Variants in AHI1 observed in about 807,000 individuals in gnomAD.
AHI1 encodes the protein jouberin.
AHI1 carries 123 observed loss-of-function variants against 149.3 expected under a neutral mutation model. The ratio of observed to expected loss-of-function variants is 0.82; its 90% confidence interval spans 0.71 to 0.96. The LOEUF is 0.96. AHI1 is among the 40% of genes least tolerant of loss of function. The pLI, the probability that AHI1 is intolerant of heterozygous loss-of-function variation, is 0.00. For synonymous variants in AHI1, 475 were observed against 459.8 expected (o/e 1.03, Z -0.42); for missense variants, 1,439 against 1,422.7 (o/e 1.01, Z -0.18).
intron 14 of AHI1, 98 bp downstream of exon 14, chr6:135,442,484 G>C (rs1295218674): frequency 7.7e-7 from 1 of 1,300,660 alleles, no homozygotes; most frequent in African/African-American, 1.5e-5. Context: ...AGTAGTACAG[G>C]GGATTACTCA....
intron 23 of AHI1, among the ~76,000 whole-genome samples, chr6:135,365,335 T>A (rs1330427849): frequency 1.3e-5 from 2 of 152,216 alleles, no homozygotes; most frequent in Admixed American, 6.5e-5. Context: ...GTTTTCTAGT[T>A]CTGCGAAAAA....
intron 24 of AHI1, among the ~76,000 whole-genome samples, chr6:135,346,565 G>A (rs926374885): frequency 6.6e-6 from 1 of 152,046 alleles, no homozygotes; most frequent in Non-Finnish European, 1.5e-5. Context: ...GGATTATAAA[G>A]ATTTTTTTTC....
intron 13 of AHI1, 86 bp downstream of exon 13, chr6:135,446,922 A>G: frequency 1.5e-6 from 2 of 1,333,428 alleles, no homozygotes; most frequent in Non-Finnish European, 2.0e-6. Flanking sequence ...CATTTTAAGT[A>G]GTAAGCTAGA....
intron 24 of AHI1, among the ~76,000 whole-genome samples, chr6:135,338,096 G>A (rs113862515): frequency 1.3e-5 from 2 of 151,966 alleles, no homozygotes; most frequent in African/African-American, 4.8e-5. Context: ...TCAGGAGTTC[G>A]AGACCAGCCT....
intron 27 of AHI1, among the ~76,000 whole-genome samples, chr6:135,296,574 G>A (rs1010386678): frequency 2.6e-5 from 4 of 152,006 alleles, no homozygotes; most frequent in Non-Finnish European, 4.4e-5. Context: ...TTCAGGGCCC[G>A]CTGCACTTGT....
intron 23 of AHI1, among the ~76,000 whole-genome samples, chr6:135,372,529 AAG>A (rs1491240589): frequency 6.7e-6 from 1 of 148,590 alleles, no homozygotes; most frequent in Non-Finnish European, 1.5e-5. Flanking sequence ...AAAAAAAAAA[AAG>A]AAAAAAAAAA....
chr6:135,492,059 T>A (rs1795327211), intron 4 of AHI1, among the ~76,000 whole-genome samples, 169 bp downstream of exon 4: 1 of 152,210 alleles, frequency 6.6e-6, no homozygotes. Context: ...ATCACAATAT[T>A]AAATAGAAAA....
At chr6:135,485,939 C>G (rs1399205856) in intron 5 of AHI1, among the ~76,000 whole-genome samples, 1 of 152,110 alleles carries the variant, frequency 6.6e-6, no homozygotes, top group Non-Finnish European at 1.5e-5. Flanking sequence ...GACCTGGATT[C>G]ACTATTATTA....
At chr6:135,477,556 T>G (rs1006385467) in intron 5 of AHI1, among the ~76,000 whole-genome samples, 2 of 152,162 alleles carry the variant, frequency 1.3e-5, no homozygotes, top group Non-Finnish European at 1.5e-5. Flanking sequence ...AGGGGCCTGG[T>G]GGGAGGTGAC....
intron 23 of AHI1, among the ~76,000 whole-genome samples, chr6:135,360,088 G>A (rs1192369074): frequency 6.6e-6 from 1 of 151,620 alleles, no homozygotes; most frequent in Admixed American, 6.6e-5. Context: ...ATATAGAAAG[G>A]AATAAACTTT....
chr6:135,306,207 T>G (rs1446835321), intron 26 of AHI1, among the ~76,000 whole-genome samples: 1 of 152,140 alleles, frequency 6.6e-6, no homozygotes, highest in Non-Finnish European at 1.5e-5. Flanking sequence ...CCAATGCTGG[T>G]AGGTGAGTGG....
In AHI1 at chr6:135,442,676, A is replaced by G. The variant is rs372575428; in HGVS notation, c.1818T>C (p.Asn606=). 9.9e-6 allele frequency: 16 copies of G among 1,611,590 alleles called. No individual in the cohort carries two copies. In the African/African-American group the frequency reaches 2.0e-4, roughly 20 times the overall value. Residue 606 remains asparagine, a synonymous_variant, in exon 14 of 29, where the codon AAT becomes AAC. Coordinates refer to ENST00000265602, the MANE Select transcript of AHI1 (RefSeq NM_001134831.2). The part of the protein sequence containing the change: ...RIPNKHLFSL[N]AGERGCFCLD... The stretch of plus-strand genomic sequence containing the variant: ...GACAAAAACATCCTCGTTCTCCTGC[A>G]TTTAGTGAGAAGAGGTGTTTGTTTG...
At chr6:135,413,208 A>G (rs1398561776) in intron 20 of AHI1, among the ~76,000 whole-genome samples, 6 of 152,074 alleles carry the variant, frequency 3.9e-5, no homozygotes, top group Non-Finnish European at 7.4e-5. Flanking sequence ...ATGTGCCTGT[A>G]GTTTCCAGCT....
intron 12 of AHI1, among the ~76,000 whole-genome samples, chr6:135,447,417 A>G (rs942486500): frequency 1.3e-5 from 2 of 152,232 alleles, no homozygotes; most frequent in Non-Finnish European, 2.9e-5. Flanking sequence ...AATGATTTTA[A>G]TAACTCTATC....
chr6:135,309,273 C>G (rs573567514), intron 26 of AHI1, among the ~76,000 whole-genome samples: 7 of 152,158 alleles, frequency 4.6e-5, no homozygotes, highest in Non-Finnish European at 5.9e-5. Flanking sequence ...TGTTACATCA[C>G]TGGGATACCA....
chr6:135,355,366 C>T (rs1792790352), intron 24 of AHI1, among the ~76,000 whole-genome samples: 1 of 148,230 alleles, frequency 6.7e-6, no homozygotes, highest in South Asian at 2.2e-4. Flanking sequence ...AAAAAAAAAC[C>T]CAAACAAAAA....
At chr6:135,331,539 T>G (rs959214858) in intron 24 of AHI1, among the ~76,000 whole-genome samples, 1 of 152,182 alleles carries the variant, frequency 6.6e-6, no homozygotes, top group African/African-American at 2.4e-5. Context: ...GATTAAATAT[T>G]ATTATAGTGG....
At chr6:135,360,049 C>A (rs951114151) in intron 23 of AHI1, among the ~76,000 whole-genome samples, 6 of 152,056 alleles carry the variant, frequency 3.9e-5, no homozygotes, top group Middle Eastern at 6.8e-3. Context: ...TACAATCATG[C>A]ATGTTTGTTC....
intron 21 of AHI1, among the ~76,000 whole-genome samples, chr6:135,408,314 C>T (rs1198078879): frequency 6.6e-6 from 1 of 151,746 alleles, no homozygotes; most frequent in East Asian, 1.9e-4. Context: ...TCTTTTTTTT[C>T]CTAGTGAAGA....
Sources: gnomAD v4.1 joint callset for allele counts (sites outside exome capture counted in the v4.1 genomes callset) on GRCh38, gnomAD v4.1.1 for gene constraint, MANE v1.5 for transcripts, NCBI Gene and HGNC (gene_info 2026-07-23, HGNC 2026-07-21) for gene names.